The following CTNNA3 variants were observed in gnomAD, a reference collection of about 807,000 sequenced individuals.
The protein encoded by CTNNA3 is catenin alpha-3.
CTNNA3 carries 76 observed loss-of-function variants against 95.7 expected under a neutral mutation model. The observed-to-expected ratio is 0.79, with a 90% CI of 0.66 to 0.96. The LOEUF (loss-of-function observed/expected upper bound fraction) is 0.96. Ranked by LOEUF, CTNNA3 falls within the 40% of genes least tolerant of loss-of-function variation. The pLI, the probability that CTNNA3 is intolerant of heterozygous loss-of-function variation, is 0.00. For synonymous variants in CTNNA3, 431 were observed against 374.4 expected (o/e 1.15, Z -1.74); for missense variants, 1,191 against 1,089.8 (o/e 1.09, Z -1.31).
At chr10:66,749,202 C>CAAAAAAAAAAAA (rs35568730) in intron 9 of CTNNA3, among the ~76,000 whole-genome samples, 5 of 50,858 alleles carry the variant, frequency 9.8e-5, no homozygotes, top group African/African-American at 2.4e-4. Flanking sequence ...AACTCCAACT[C>CAAAAAAAAAAAA]AAAAAAAAAA....
At chr10:67,160,067 G>A (rs4746666) in intron 7 of CTNNA3, among the ~76,000 whole-genome samples, 95,720 of 151,950 alleles carry the variant, frequency 0.63, 31,372 homozygotes, top group African/African-American at 0.82. Context: ...CAAAGGACCC[G>A]AATAGACATT....
intron 12 of CTNNA3, among the ~76,000 whole-genome samples, chr10:66,333,281 T>C (rs2092353768): frequency 6.6e-6 from 1 of 152,082 alleles, no homozygotes. Context: ...TTTTTGAATG[T>C]GTTTGCTCTT....
intron 12 of CTNNA3, among the ~76,000 whole-genome samples, chr10:66,326,652 A>G (rs1188089566): frequency 6.6e-6 from 1 of 152,122 alleles, no homozygotes; most frequent in Non-Finnish European, 1.5e-5. Context: ...AAATTAATGT[A>G]TATTTATAAA....
chr10:67,573,627 G>C (rs1406590637), intron 3 of CTNNA3, among the ~76,000 whole-genome samples: 1 of 151,924 alleles, frequency 6.6e-6, no homozygotes, highest in Non-Finnish European at 1.5e-5. Flanking sequence ...CAGAAGGTTA[G>C]ATAGACTACA....
chr10:66,006,553 C>A lies in CTNNA3; in HGVS notation c.2160-17756G>T, dbSNP rs77434186. The stretch of plus-strand genomic sequence containing the variant: ...ATCAAAGCCAATGTACTGTAAATAC[C>A]ATCACACTCTCTGACTGTGAGAGTC... On this transcript the variant is annotated intron_variant, in intron 15 of 17. Transcript: ENST00000433211. Among the ~76,000 whole-genome samples the A allele has an allele frequency of 7.9e-3, 1,203 of 152,046 alleles. 16 individuals carry two copies. The highest frequency in any genetic ancestry group is 0.028 in the African/African-American group (1,150 of 41,478).
intron 8 of CTNNA3, among the ~76,000 whole-genome samples, chr10:66,774,428 T>C (rs1840214304): frequency 6.6e-6 from 1 of 152,326 alleles, no homozygotes; most frequent in South Asian, 2.1e-4. Flanking sequence ...GCTAAGTTCC[T>C]TCTGACTCTT....
intron 6 of CTNNA3, among the ~76,000 whole-genome samples, chr10:67,199,375 G>A (rs967254391): frequency 2.0e-5 from 3 of 151,616 alleles, no homozygotes; most frequent in Admixed American, 1.3e-4. Flanking sequence ...TGTTGTTGTT[G>A]TTGTTGTTTT....
At chr10:66,229,739 T>C (rs769018824) in intron 13 of CTNNA3, among the ~76,000 whole-genome samples, 7 of 152,116 alleles carry the variant, frequency 4.6e-5, no homozygotes, top group Non-Finnish European at 8.8e-5. Flanking sequence ...TTTTTTAGCT[T>C]CTTAATCTGG....
At chr10:67,606,729 G>T (rs1843286224) in intron 3 of CTNNA3, 128 bp downstream of exon 3, 5 of 686,456 alleles carry the variant, frequency 7.3e-6, no homozygotes. Flanking sequence ...CCCACAGCTA[G>T]CTCCTCACAG....
chr10:66,006,331 T>C (rs183676080), intron 15 of CTNNA3, among the ~76,000 whole-genome samples: 115 of 152,046 alleles, frequency 7.6e-4, no homozygotes, highest in African/African-American at 2.7e-3. Flanking sequence ...ATTTTTATCT[T>C]CCCTTGTACA....
At chr10:66,915,644 G>A (rs759495950) in intron 7 of CTNNA3, among the ~76,000 whole-genome samples, 6 of 151,110 alleles carry the variant, frequency 4.0e-5, no homozygotes, top group Non-Finnish European at 5.9e-5. Flanking sequence ...AGTGCTGCAG[G>A]CAAATAGGAT....
chr10:67,213,086 A>G (rs1462800368), intron 6 of CTNNA3, among the ~76,000 whole-genome samples: 1 of 151,880 alleles, frequency 6.6e-6, no homozygotes, highest in Non-Finnish European at 1.5e-5. Flanking sequence ...ATTTGCTTTC[A>G]GTAAAAACTG....
chr10:67,509,011 G>A (rs1839518190), intron 5 of CTNNA3, among the ~76,000 whole-genome samples: 1 of 151,690 alleles, frequency 6.6e-6, no homozygotes, highest in South Asian at 2.1e-4. Context: ...CGTATAGCAG[G>A]GATTATAGGC....
chr10:65,954,962 A>G (rs1301077248), intron 17 of CTNNA3, among the ~76,000 whole-genome samples: 1 of 152,200 alleles, frequency 6.6e-6, no homozygotes, highest in Non-Finnish European at 1.5e-5. Context: ...CATTGAATCT[A>G]TAAATTATCT....
chr10:66,904,827 T>C (rs1845914716), intron 7 of CTNNA3, among the ~76,000 whole-genome samples: 1 of 152,118 alleles, frequency 6.6e-6, no homozygotes, highest in South Asian at 2.1e-4. Context: ...TGAGATACCA[T>C]CTCATGCCAA....
intron 5 of CTNNA3, among the ~76,000 whole-genome samples, chr10:67,358,549 C>G (rs1842894893): frequency 6.6e-6 from 1 of 152,086 alleles, no homozygotes; most frequent in Admixed American, 6.6e-5. Flanking sequence ...CCTAGTCCTG[C>G]AAAGGCCCTA....
chr10:67,719,772 T>C (rs1289062789), intron 1 of CTNNA3, among the ~76,000 whole-genome samples: 1 of 152,192 alleles, frequency 6.6e-6, no homozygotes, highest in African/African-American at 2.4e-5. Context: ...AGAATGTATA[T>C]TCTGTTGATT....
At chr10:66,195,539 C>T (rs1266435034) in intron 13 of CTNNA3, among the ~76,000 whole-genome samples, 1 of 152,164 alleles carries the variant, frequency 6.6e-6, no homozygotes, top group African/African-American at 2.4e-5. Context: ...AGTGTAGTGA[C>T]ATTTATTCAA....
intron 5 of CTNNA3, among the ~76,000 whole-genome samples, chr10:67,386,403 T>C (rs1251772252): frequency 6.6e-6 from 1 of 152,196 alleles, no homozygotes; most frequent in Non-Finnish European, 1.5e-5. Context: ...ACCCCCTCCA[T>C]GTCCATCTCC....
Sources: allele counts gnomAD v4.1 joint callset (sites outside exome capture counted in the v4.1 genomes callset), GRCh38; gene constraint gnomAD v4.1.1; transcripts MANE v1.5; gene names NCBI Gene and HGNC (gene_info 2026-07-23, HGNC 2026-07-21).